The following PIGK variants were observed in gnomAD, a reference collection of about 807,000 sequenced individuals.
PIGK encodes the protein phosphatidylinositol glycan anchor biosynthesis class K.
Under a neutral mutation model 50.6 loss-of-function variants are expected in PIGK, and 42 were observed. That is an observed-to-expected ratio of 0.83 (90% CI 0.65 to 1.07). The LOEUF (loss-of-function observed/expected upper bound fraction) is 1.07. Among genes scored for constraint, PIGK ranks in the 50% least tolerant of loss-of-function variants. The probability of loss-of-function intolerance (pLI) is 0.00; values close to 1 mark genes in which losing one functional copy is unlikely to be tolerated. For synonymous variants in PIGK, 151 were observed against 156.0 expected, an observed-to-expected ratio of 0.97 and a Z score of 0.24; for missense variants, 448 against 488.7, an observed-to-expected ratio of 0.92 and a Z score of 0.78.
intron 3 of PIGK, among the ~76,000 whole-genome samples, chr1:77,202,941 T>A (rs78489824): frequency 6.1e-4 from 93 of 152,208 alleles, no homozygotes; most frequent in African/African-American, 2.1e-3. Flanking sequence ...TTCCCTAGAG[T>A]AAACAGGAAT....
chr1:77,201,370 C>G (rs940890332), intron 3 of PIGK, among the ~76,000 whole-genome samples: 2 of 152,194 alleles, frequency 1.3e-5, no homozygotes, highest in African/African-American at 4.8e-5. Context: ...GGGCAAGACT[C>G]TTACGGATTT....
At chr1:77,130,904 T>C (rs972736629) in intron 9 of PIGK, among the ~76,000 whole-genome samples, 1 of 152,120 alleles carries the variant, frequency 6.6e-6, no homozygotes, top group Non-Finnish European at 1.5e-5. Context: ...CCACAGCTGC[T>C]TTGAGGATTA....
chr1:77,217,304 A>G (rs565940699), intron 1 of PIGK, among the ~76,000 whole-genome samples: 1 of 152,350 alleles, frequency 6.6e-6, no homozygotes, highest in Non-Finnish European at 1.5e-5. Context: ...GTTTTCCTAA[A>G]GAAGTGACTG....
In PIGK at chr1:77,165,169, C is replaced by T. The variant is rs190854093; in HGVS notation, c.488-1227G>A. Among the ~76,000 whole-genome samples the T allele has an allele frequency of 6.6e-5, 10 of 152,142 alleles. No individual in the cohort carries two copies. In the East Asian group the frequency reaches 9.7e-4, roughly 15 times the overall value. On this transcript the variant is annotated intron_variant, in intron 5 of 10. Coordinates refer to ENST00000370812, the MANE Select transcript of PIGK (RefSeq NM_005482.3). ...TTCAACTACTGGAATTTGTTCCAAG[C>T]CTGCAGTTACCCTGAAAGAGTTCCA...
intron 3 of PIGK, among the ~76,000 whole-genome samples, chr1:77,201,834 A>T (rs1326769743): frequency 6.6e-6 from 1 of 152,160 alleles, no homozygotes; most frequent in Non-Finnish European, 1.5e-5. Flanking sequence ...AGGTGGGAGG[A>T]TCACTTGAGC....
intron 8 of PIGK, among the ~76,000 whole-genome samples, chr1:77,158,005 G>T (rs962406807): frequency 8.6e-5 from 13 of 151,864 alleles, no homozygotes; most frequent in Non-Finnish European, 1.8e-4. Context: ...CCTCTTTTTT[G>T]TTATTTTTGT....
intron 1 of PIGK, among the ~76,000 whole-genome samples, chr1:77,214,978 T>C (rs545956470): frequency 6.6e-6 from 1 of 151,962 alleles, no homozygotes; most frequent in Non-Finnish European, 1.5e-5. Context: ...AACTACAAAA[T>C]ATTGATGGAA....
intron 10 of PIGK, among the ~76,000 whole-genome samples, chr1:77,121,252 A>G (rs1362538290): frequency 6.6e-6 from 1 of 152,154 alleles, no homozygotes; most frequent in Non-Finnish European, 1.5e-5. Context: ...CTGTTAGGTC[A>G]TTTAAGCTCT....
At chr1:77,176,598 A>G (rs775781406) in intron 3 of PIGK, among the ~76,000 whole-genome samples, 5 of 152,202 alleles carry the variant, frequency 3.3e-5, no homozygotes, top group Non-Finnish European at 4.4e-5. Flanking sequence ...AAACTTGACA[A>G]GCACACAAAA....
At chr1:77,111,608 G>C (rs1457902590) in intron 10 of PIGK, among the ~76,000 whole-genome samples, 1 of 150,264 alleles carries the variant, frequency 6.7e-6, no homozygotes, top group Non-Finnish European at 1.5e-5. Flanking sequence ...GGCCTGTTGT[G>C]GGGTGGAGGG....
At chr1:77,111,393 G>A (rs1276683127) in intron 10 of PIGK, among the ~76,000 whole-genome samples, 1 of 152,104 alleles carries the variant, frequency 6.6e-6, no homozygotes, top group African/African-American at 2.4e-5. Flanking sequence ...TTAAGAAAAT[G>A]TGGCACATAT....
chr1:77,198,830 A>G (rs1209527972), intron 3 of PIGK, among the ~76,000 whole-genome samples: 1 of 152,068 alleles, frequency 6.6e-6, no homozygotes. Context: ...ACTCACTGCA[A>G]TGCCAATGAG....
chr1:77,195,366 C>T lies in PIGK; in HGVS notation c.239+11274G>A, dbSNP rs1012557459. 111 of 1,237,814 alleles carry T rather than the reference C, an allele frequency of 9.0e-5. No homozygotes were observed. In the Middle Eastern group the frequency reaches 1.6e-3, roughly 18 times the overall value. 76.7% of individuals were successfully genotyped at this position (1,237,814 alleles called of 1,614,324 possible). Reference sequence around the variant, plus strand: ...AGCGGGCGGAGGCACAGGCACTTCTCCAGGACTACATCAGCACGCAGAGTG... The same window carrying T: ...AGCGGGCGGAGGCACAGGCACTTCTTCAGGACTACATCAGCACGCAGAGTG... On this transcript the variant is annotated intron_variant, in intron 3 of 10. Transcript: ENST00000370812.
intron 9 of PIGK, among the ~76,000 whole-genome samples, chr1:77,136,454 G>A (rs1285242506): frequency 2.0e-5 from 3 of 149,840 alleles, no homozygotes; most frequent in African/African-American, 2.5e-5. Context: ...GCGTGAACCC[G>A]GGAGGCGGAG....
In PIGK at chr1:77,143,765, T is replaced by C. The variant is rs184996193; in HGVS notation, c.986+10684A>G. ...AAATTCTGTATAGTATTTCTATAAA[T>C]GAGAATCCACCAAATATGAAATAAC... On this transcript the variant is annotated intron_variant, in intron 9 of 10. Transcript: ENST00000370812. Among the ~76,000 whole-genome samples, 420 of 152,196 alleles carry C rather than the reference T, an allele frequency of 2.8e-3. 1 individual carries two copies. The highest frequency in any genetic ancestry group is 9.3e-3 in the African/African-American group (385 of 41,564).
intron 9 of PIGK, among the ~76,000 whole-genome samples, chr1:77,137,439 CTGTT>C (rs1349418924): frequency 1.3e-5 from 2 of 152,118 alleles, no homozygotes; most frequent in Non-Finnish European, 2.9e-5. Context: ...ATTATTTAAT[CTGTT>C]TATTACATTT....
rs1301461181 is a variant in PIGK at position 77,171,850 on chromosome 1, A to G, written c.240-2455T>C. On this transcript the variant is annotated intron_variant, in intron 3 of 10. Coordinates refer to ENST00000370812, the MANE Select transcript of PIGK (RefSeq NM_005482.3). ...TTGATCCAAGTGTTAAATTATTTAT[A>G]TAACAGTACTTAAGCATATAAATGC... 2.6e-5 allele frequency among the ~76,000 whole-genome samples: 4 copies of G among 152,306 alleles called. No individual in the cohort carries two copies. The South Asian group carries it at 8.3e-4, about 32-fold the overall frequency.
chr1:77,149,243 C>T (rs1235173195), intron 9 of PIGK, among the ~76,000 whole-genome samples: 4 of 151,860 alleles, frequency 2.6e-5, no homozygotes, highest in Non-Finnish European at 4.4e-5. Flanking sequence ...CCTTACCTAC[C>T]AATAATAATA....
At chr1:77,176,215 A>G (rs543541329) in intron 3 of PIGK, among the ~76,000 whole-genome samples, 3 of 152,198 alleles carry the variant, frequency 2.0e-5, no homozygotes, top group Non-Finnish European at 2.9e-5. Flanking sequence ...AACATGTTTG[A>G]TAGGCTTCCT....
Sources: allele counts gnomAD v4.1 joint callset (sites outside exome capture counted in the v4.1 genomes callset), GRCh38; gene constraint gnomAD v4.1.1; transcripts MANE v1.5; gene names NCBI Gene and HGNC (gene_info 2026-07-23, HGNC 2026-07-21).